RAPH1: variants seen among roughly 807,000 people sequenced by gnomAD.
RAPH1 encodes Ras association (RalGDS/AF-6) and pleckstrin homology domains 1, also known as ras-associated and pleckstrin homology domains-containing protein 1.
Under a neutral mutation model 88.1 loss-of-function variants are expected in RAPH1, and 18 were observed. The ratio of observed to expected loss-of-function variants is 0.20; its 90% confidence interval spans 0.14 to 0.30. The LOEUF is 0.30. Among genes scored for constraint, RAPH1 ranks in the 10% least tolerant of loss-of-function variants. The pLI is 1.00. For synonymous variants in RAPH1, 587 were observed against 559.0 expected (o/e 1.05, Z -0.71); for missense variants, 1,448 against 1,543.2 (o/e 0.94, Z 1.03).
intron 13 of RAPH1, chr2:203,443,156 G>A (rs949699645): frequency 6.6e-6 from 1 of 152,140 alleles, no homozygotes; most frequent in Non-Finnish European, 1.5e-5. Flanking sequence ...CGGGAGCCCA[G>A]TTAGTGAACC....
chr2:203,519,751 A>C (rs546432371), intron 1 of RAPH1, among the ~76,000 whole-genome samples: 2 of 152,314 alleles, frequency 1.3e-5, no homozygotes, highest in South Asian at 4.1e-4. Flanking sequence ...CCCAACAAAA[A>C]AACTAACAGG....
intron 1 of RAPH1, among the ~76,000 whole-genome samples, chr2:203,527,569 T>A (rs1690174169): frequency 6.6e-6 from 1 of 151,768 alleles, no homozygotes; most frequent in African/African-American, 2.4e-5. Context: ...GAGGCTGAGG[T>A]GGGCGGATCA....
chr2:203,529,014 T>A (rs1320297764), intron 1 of RAPH1, among the ~76,000 whole-genome samples: 6 of 126,058 alleles, frequency 4.8e-5, no homozygotes, highest in Non-Finnish European at 1.0e-4. Context: ...TATTTTTTTT[T>A]TTTTTTTTTT....
At chr2:203,524,658 T>C (rs907270606) in intron 1 of RAPH1, among the ~76,000 whole-genome samples, 1 of 152,200 alleles carries the variant, frequency 6.6e-6, no homozygotes, top group Admixed American at 6.5e-5. Flanking sequence ...ATTCCATTTA[T>C]ATAAAATTCT....
chr2:203,456,920 A>G (rs2256733), intron 8 of RAPH1, among the ~76,000 whole-genome samples: 15,750 of 152,120 alleles, frequency 0.1, 1,657 homozygotes, highest in African/African-American at 0.27. Flanking sequence ...GAGTAAGCAG[A>G]TAAAAACAGC....
intron 1 of RAPH1, among the ~76,000 whole-genome samples, chr2:203,502,745 TGGA>T (rs967103456): frequency 1.4e-5 from 2 of 143,108 alleles, no homozygotes; most frequent in African/African-American, 2.6e-5. Context: ...GCGTGAACCC[TGGA>T]GGTGGAGCTT....
intron 4 of RAPH1, among the ~76,000 whole-genome samples, chr2:203,464,250 G>A (rs974674448): frequency 6.6e-6 from 1 of 152,176 alleles, no homozygotes; most frequent in South Asian, 2.1e-4. Context: ...TCAATGTTTT[G>A]TATATTTGGA....
chr2:203,521,685 C>T (rs1185018002), intron 1 of RAPH1, among the ~76,000 whole-genome samples: 3 of 151,968 alleles, frequency 2.0e-5, no homozygotes, highest in Non-Finnish European at 4.4e-5. Context: ...GTAACATATG[C>T]TTATTGTACA....
intron 13 of RAPH1, 185 bp from the exon 14 acceptor site, chr2:203,441,598 G>C: frequency 7.4e-7 from 1 of 1,344,882 alleles, no homozygotes; most frequent in Non-Finnish European, 9.5e-7. Context: ...TGATTGTGCG[G>C]GCAAGAAGGA....
rs1043129044 is a variant in RAPH1 at position 203,435,048 on chromosome 2, C to T, written c.*4389G>A. ...TACAGCAAGTATTTTCTCTTTAAAA[C>T]GGTTTATTACTTCAACAAGCAAAGA... On this transcript the variant is annotated 3_prime_UTR_variant, in exon 14 of 14. Coordinates refer to ENST00000319170, the MANE Select transcript of RAPH1 (RefSeq NM_213589.3). The T allele has an allele frequency of 5.9e-5, 9 of 152,712 alleles. No homozygotes were observed. Among genetic ancestry groups the T allele is most frequent in the East Asian group, 5.8e-4 (3 of 5,192 alleles). 9.5% of individuals were successfully genotyped at this position (152,712 alleles called of 1,614,324 possible). A position where few individuals can be genotyped will look rare whatever the true frequency, so the allele number is the denominator to read the frequency against.
At position 203,487,390 on chromosome 2, in the gene RAPH1, CTTTT is replaced by C. The variant is rs1338633607; in HGVS notation, c.732+2190_732+2193del. Among the ~76,000 whole-genome samples the C allele has an allele frequency of 2.0e-5, 3 of 147,202 alleles. No homozygotes were observed. In the South Asian group the frequency reaches 6.5e-4, roughly 32 times the overall value. On this transcript the variant is annotated intron_variant, in intron 4 of 13. Coordinates refer to ENST00000319170, the MANE Select transcript of RAPH1 (RefSeq NM_213589.3). ...AAAATAGAAATCAGTTTTTTTTTTC[CTTTT>C]TTTTTTGTAGACGGAGTCTTGCTGT... is the stretch of plus-strand genomic sequence containing the variant.
Position 203,440,519 on chromosome 2 carries a change from C to G in RAPH1, c.2671G>C (p.Ala891Pro). 1 of 1,533,474 alleles carries G rather than the reference C, an allele frequency of 6.5e-7. No individual in the cohort carries two copies. The allele number at this position is 1,533,474 out of a possible 1,614,324, so 95.0% of individuals were successfully genotyped here. The change falls in exon 14 of 14, where the codon GCT becomes CCT. Residue 891 changes from alanine to proline, a missense_variant. Coordinates refer to ENST00000319170, the MANE Select transcript of RAPH1 (RefSeq NM_213589.3). The stretch of plus-strand genomic sequence containing the variant: ...TTTACTGCAGGAGGGGACTGTGGAG[C>G]TACATTTGCTGGGACAGGCTTTAAG... ...QPLKPVPANVAPQSPPAVKAK... is the reference protein window; with the variant it reads ...QPLKPVPANVPPQSPPAVKAK...
intron 1 of RAPH1, among the ~76,000 whole-genome samples, chr2:203,508,620 CT>C (rs1419311336): frequency 6.6e-6 from 1 of 152,074 alleles, no homozygotes; most frequent in Admixed American, 6.6e-5. Context: ...GAAAAAAAAT[CT>C]GCATACAAGC....
At chr2:203,534,708 C>T (rs985652199) in intron 1 of RAPH1, among the ~76,000 whole-genome samples, 1 of 152,224 alleles carries the variant, frequency 6.6e-6, no homozygotes, top group African/African-American at 2.4e-5. Context: ...GAAACCCAAG[C>T]AACCCGACAT....
chr2:203,480,791 T>C (rs1234671449), intron 4 of RAPH1, among the ~76,000 whole-genome samples: 3 of 152,198 alleles, frequency 2.0e-5, no homozygotes, highest in Admixed American at 2.0e-4. Context: ...ACAAATAGTA[T>C]GTTGAAAATA....
intron 10 of RAPH1, among the ~76,000 whole-genome samples, chr2:203,450,618 G>A (rs1038670637): frequency 6.6e-6 from 1 of 152,212 alleles, no homozygotes; most frequent in Admixed American, 6.5e-5. Flanking sequence ...TTAGTGATGA[G>A]CAAAACAAAA....
chr2:203,478,875 C>T (rs943347165), intron 4 of RAPH1, among the ~76,000 whole-genome samples: 3 of 152,342 alleles, frequency 2.0e-5, no homozygotes, highest in African/African-American at 7.2e-5. Flanking sequence ...ATATGAATAA[C>T]TTTCTGCTTG....
At chr2:203,458,120 C>A (rs2098521279) in intron 7 of RAPH1, among the ~76,000 whole-genome samples, 1 of 151,868 alleles carries the variant, frequency 6.6e-6, no homozygotes, top group South Asian at 2.1e-4. Flanking sequence ...ACCTGTAATC[C>A]CAGCACTCTG....
At chr2:203,480,590 T>A (rs1242373235) in intron 4 of RAPH1, among the ~76,000 whole-genome samples, 1 of 152,096 alleles carries the variant, frequency 6.6e-6, no homozygotes, top group African/African-American at 2.4e-5. Flanking sequence ...AAACCATTTA[T>A]CTGAACACAG....
Sources: gnomAD v4.1 joint callset for allele counts (sites outside exome capture counted in the v4.1 genomes callset) on GRCh38, gnomAD v4.1.1 for gene constraint, MANE v1.5 for transcripts, NCBI Gene and HGNC (gene_info 2026-07-23, HGNC 2026-07-21) for gene names.